The following ZNF79 variants were observed in gnomAD, a reference collection of about 807,000 sequenced individuals.
ZNF79 encodes the protein zinc finger protein 79.
ZNF79 carries 13 observed loss-of-function variants against 14.9 expected under a neutral mutation model. The observed-to-expected ratio is 0.87, with a 90% CI of 0.57 to 1.38. The LOEUF (loss-of-function observed/expected upper bound fraction) is 1.38. ZNF79 is among the 40% of genes most tolerant of loss of function. The probability of loss-of-function intolerance (pLI) is 0.00; values close to 1 mark genes in which losing one functional copy is unlikely to be tolerated. For synonymous variants in ZNF79, 223 were observed against 235.1 expected (o/e 0.95, Z 0.47); for missense variants, 631 against 630.6 (o/e 1.00, Z -0.01).
intron 1 of ZNF79, among the ~76,000 whole-genome samples, chr9:127,427,337 C>G (rs371902449): frequency 6.7e-6 from 1 of 150,210 alleles, no homozygotes; most frequent in South Asian, 2.1e-4. Context: ...GTAGGAGAAT[C>G]GCTTGAACCT....
At chr9:127,431,352 A>G (rs925701538) in intron 2 of ZNF79, among the ~76,000 whole-genome samples, 3 of 151,122 alleles carry the variant, frequency 2.0e-5, no homozygotes, top group Non-Finnish European at 4.4e-5. Flanking sequence ...CACCCCCCCA[A>G]TGCTCAAGCG....
chr9:127,425,932 G>A (rs894452794), intron 1 of ZNF79, among the ~76,000 whole-genome samples: 1 of 152,166 alleles, frequency 6.6e-6, no homozygotes, highest in African/African-American at 2.4e-5. Context: ...GAAGAGTAGA[G>A]AGTGCAATTT....
chr9:127,435,035 CT>C (rs1403920713), intron 2 of ZNF79, 54 bp from the exon 3 acceptor site: 20 of 1,540,320 alleles, frequency 1.3e-5, no homozygotes, highest in African/African-American at 5.6e-5. Context: ...TTAACCACCC[CT>C]ATCACCCTAG....
At chr9:127,443,900 CA>C (rs34006666) in intron 4 of ZNF79, 128 bp from the exon 5 acceptor site, 49,312 of 347,322 alleles carry the variant, frequency 0.14, 1 homozygote, top group Middle Eastern at 0.16. Flanking sequence ...GACTCCGTCT[CA>C]AAAAAAAAAA....
At chr9:127,428,689 G>C in intron 1 of ZNF79, 143 bp from the exon 2 acceptor site, 8 of 1,253,978 alleles carry the variant, frequency 6.4e-6, no homozygotes, top group Middle Eastern at 6.2e-4. Flanking sequence ...TGAGGTAGGA[G>C]GGAATGGAGA....
intron 2 of ZNF79, 72 bp from the exon 3 acceptor site, chr9:127,435,018 G>A: frequency 6.7e-7 from 1 of 1,489,626 alleles, no homozygotes; most frequent in Non-Finnish European, 9.0e-7. Flanking sequence ...CCCCAAAACT[G>A]CCAACGTTAA....
At chr9:127,438,441 C>T (rs760890565) in intron 4 of ZNF79, among the ~76,000 whole-genome samples, 10 of 152,294 alleles carry the variant, frequency 6.6e-5, no homozygotes, top group Middle Eastern at 6.8e-3. Context: ...TTCCCTGGGC[C>T]GCCGCCCTGC....
At chr9:127,438,425 C>T (rs1360545536) in intron 4 of ZNF79, among the ~76,000 whole-genome samples, 1 of 152,222 alleles carries the variant, frequency 6.6e-6, no homozygotes, top group Non-Finnish European at 1.5e-5. Flanking sequence ...AGGGAGCTTT[C>T]ATGCCTTCCC....
At chr9:127,434,417 C>T (rs569735616) in intron 2 of ZNF79, among the ~76,000 whole-genome samples, 1 of 152,122 alleles carries the variant, frequency 6.6e-6, no homozygotes, top group Non-Finnish European at 1.5e-5. Context: ...ATAATTTGTA[C>T]CTGATTCTTC....
At chr9:127,426,308 A>T (rs1227018221) in intron 1 of ZNF79, among the ~76,000 whole-genome samples, 7 of 151,778 alleles carry the variant, frequency 4.6e-5, no homozygotes, top group African/African-American at 1.2e-4. Context: ...GCAACCACTA[A>T]TCTGCTTTCT....
chr9:127,440,989 G>T (rs932179800), intron 4 of ZNF79, among the ~76,000 whole-genome samples: 1 of 152,164 alleles, frequency 6.6e-6, no homozygotes, highest in African/African-American at 2.4e-5. Flanking sequence ...GCCAGCACTC[G>T]AGAGAGGTGA....
chr9:127,442,919 A>G (rs993492510), intron 4 of ZNF79, among the ~76,000 whole-genome samples: 3 of 152,026 alleles, frequency 2.0e-5, no homozygotes, highest in Admixed American at 1.3e-4. Context: ...TCTTGTTAAA[A>G]ACTAAGAAAC....
At chr9:127,433,215 T>C (rs1833891008) in intron 2 of ZNF79, among the ~76,000 whole-genome samples, 1 of 152,212 alleles carries the variant, frequency 6.6e-6, no homozygotes, top group African/African-American at 2.4e-5. Context: ...TGTTGCTGGT[T>C]TGCAAAGCAG....
intron 2 of ZNF79, among the ~76,000 whole-genome samples, chr9:127,433,555 C>T (rs1159592976): frequency 1.3e-5 from 2 of 152,182 alleles, no homozygotes; most frequent in African/African-American, 4.8e-5. Flanking sequence ...CTGTACCTAG[C>T]AGAGGATGCA....
Position 127,428,740 on chromosome 9 carries a change from G to A in ZNF79, c.17-92G>A. The stretch of plus-strand genomic sequence containing the variant: ...ACAGGTCTGCAGATTCAGCCCACGT[G>A]CCCTGATACCTGCTATGTCCCCTCT... On this transcript the variant is annotated intron_variant, in intron 1 of 4. Coordinates refer to ENST00000342483, the MANE Select transcript of ZNF79 (RefSeq NM_007135.3). The A allele has an allele frequency of 5.4e-6, 7 of 1,294,784 alleles. No individual in the cohort carries two copies. The South Asian group carries it at 1.3e-4, about 25-fold the overall frequency. 80.2% of individuals were successfully genotyped at this position (1,294,784 alleles called of 1,614,324 possible).
intron 2 of ZNF79, among the ~76,000 whole-genome samples, chr9:127,430,409 T>G (rs1833839835): frequency 6.6e-6 from 1 of 152,190 alleles, no homozygotes; most frequent in African/African-American, 2.4e-5. Context: ...TTTCAGCTGA[T>G]GCCCCCTTTC....
rs1340108426 is a variant in ZNF79 at position 127,427,258 on chromosome 9, A to C, written c.17-1574A>C. On this transcript the variant is annotated intron_variant, in intron 1 of 4. Coordinates refer to ENST00000342483, the MANE Select transcript of ZNF79 (RefSeq NM_007135.3). ...CGTGGTGAAACCCCGTCTACTAAAA[A>C]AAAAAAAAAAAAAAGTTAGCCGGGC... 2.6e-5 allele frequency among the ~76,000 whole-genome samples: 4 copies of C among 151,152 alleles called. No homozygotes were observed. The East Asian group carries it at 7.8e-4, about 29-fold the overall frequency.
At chr9:127,435,817 G>C in intron 3 of ZNF79, 91 bp from the exon 4 acceptor site, 1 of 985,778 alleles carries the variant, frequency 1.0e-6, no homozygotes, top group Non-Finnish European at 1.6e-6. Context: ...GAAATGAACA[G>C]TCCAACTGGC....
At chr9:127,427,486 T>A (rs1046259774) in intron 1 of ZNF79, among the ~76,000 whole-genome samples, 1 of 147,014 alleles carries the variant, frequency 6.8e-6, no homozygotes, top group Non-Finnish European at 1.5e-5. Flanking sequence ...CATTTCGGCC[T>A]CCCAAAGTGC....
Sources: allele counts gnomAD v4.1 joint callset (sites outside exome capture counted in the v4.1 genomes callset), GRCh38; gene constraint gnomAD v4.1.1; transcripts MANE v1.5; gene names NCBI Gene and HGNC (gene_info 2026-07-23, HGNC 2026-07-21).